Variants in CEP43 observed in about 807,000 individuals in gnomAD.
CEP43 encodes centrosomal protein 43.
In CEP43, 36 loss-of-function variants were observed where a neutral mutation model predicts 52.6. That is an observed-to-expected ratio of 0.68 (90% CI 0.52 to 0.90). The LOEUF (loss-of-function observed/expected upper bound fraction) is 0.90. Ranked by LOEUF, CEP43 falls within the 40% of genes least tolerant of loss-of-function variation. The pLI, the probability that CEP43 is intolerant of heterozygous loss-of-function variation, is 0.00. For missense variants in CEP43, 506 were observed against 472.8 expected, an observed-to-expected ratio of 1.07 and a Z score of -0.65; for synonymous variants, 192 against 172.4, an observed-to-expected ratio of 1.11 and a Z score of -0.89.
In CEP43 at chr6:167,004,401, A is replaced by C. The variant is rs779604786; in HGVS notation, c.438A>C (p.Glu146Asp). The C allele has an allele frequency of 3.2e-6, 5 of 1,586,068 alleles. No homozygotes were observed. Among genetic ancestry groups the C allele is most frequent in the Non-Finnish European group, 4.3e-6 (5 of 1,169,206 alleles). Residue 146 changes from glutamate (E) to aspartate (D), a missense_variant and splice_region_variant, in exon 5 of 13, where the codon GAA becomes GAC. Physicochemically the swap from Glu to Asp is conservative, Grantham distance 45. Transcript: ENST00000366847. ...AAGAAAAAGGGCCAACCACTGGGGA[A>C]GTAAGTAGAATTCTGTGTTATCTTT... ...QQKEKGPTTG[E>D]GALDLSDVHS... is the part of the protein sequence containing the mutation.
chr6:167,003,855 A>C (rs770254531), intron 4 of CEP43, 44 bp downstream of exon 4: 2 of 1,169,348 alleles, frequency 1.7e-6, no homozygotes, highest in Non-Finnish European at 2.5e-6. Flanking sequence ...AACCTTTGAT[A>C]CAAATGAGTT....
intron 2 of CEP43, among the ~76,000 whole-genome samples, chr6:167,002,033 T>G (rs941670921): frequency 6.6e-6 from 1 of 152,206 alleles, no homozygotes; most frequent in African/African-American, 2.4e-5. Flanking sequence ...AACAACTTTA[T>G]TGAGGTAAAA....
intron 8 of CEP43, 103 bp from the exon 9 acceptor site, chr6:167,024,679 C>T (rs1583284568): frequency 2.6e-6 from 2 of 783,964 alleles, no homozygotes; most frequent in East Asian, 2.5e-5. Context: ...CCAGCCACCA[C>T]ACGTATAAAA....
At chr6:167,024,093 A>G (rs979086269) in intron 8 of CEP43, among the ~76,000 whole-genome samples, 1 of 152,198 alleles carries the variant, frequency 6.6e-6, no homozygotes, top group African/African-American at 2.4e-5. Flanking sequence ...AGGGCTGCGC[A>G]GCAGTGGAAT....
At position 167,047,284 on chromosome 6, in the gene CEP43, C is replaced by G. The variant is rs561747937; in HGVS notation, c.*7306C>G. The G allele has an allele frequency of 6.6e-6, 1 of 152,136 alleles. No individual in the cohort carries two copies. The highest frequency in any genetic ancestry group is 1.5e-5 in the Non-Finnish European group (1 of 68,080). 9.4% of individuals were successfully genotyped at this position (152,136 alleles called of 1,614,324 possible). Reference sequence around the variant, plus strand: ...TCCCCTACTGACAGGGAGGTGCTGTCGGGGCAGCAGGCACGTGCAGGAAAA... The same window carrying G: ...TCCCCTACTGACAGGGAGGTGCTGTGGGGGCAGCAGGCACGTGCAGGAAAA... On this transcript the variant is annotated 3_prime_UTR_variant, in exon 13 of 13. Coordinates refer to ENST00000366847, the MANE Select transcript of CEP43 (RefSeq NM_007045.4).
chr6:167,022,298 A>AT, intron 7 of CEP43, 111 bp from the exon 8 acceptor site: 1 of 675,384 alleles, frequency 1.5e-6, no homozygotes. Context: ...ACACACACAA[A>AT]GGTTGCACAC....
At chr6:167,019,277 C>CGCGT (rs1562528037) in intron 7 of CEP43, among the ~76,000 whole-genome samples, 11 of 150,574 alleles carry the variant, frequency 7.3e-5, no homozygotes, top group East Asian at 5.8e-4. Context: ...GCTGTGCACA[C>CGCGT]ACATACACCT....
At chr6:167,023,626 A>C (rs1780288543) in intron 8 of CEP43, among the ~76,000 whole-genome samples, 1 of 152,196 alleles carries the variant, frequency 6.6e-6, no homozygotes, top group Non-Finnish European at 1.5e-5. Flanking sequence ...ATCAGTTTGT[A>C]GATAATGTGG....
intron 7 of CEP43, among the ~76,000 whole-genome samples, chr6:167,014,136 TTGAA>T (rs1780043065): frequency 6.6e-6 from 1 of 152,262 alleles, no homozygotes. Flanking sequence ...TATTTTTCTT[TTGAA>T]TGGATGATTA....
At chr6:167,039,420 C>T (rs943552470) in intron 12 of CEP43, among the ~76,000 whole-genome samples, 10 of 152,220 alleles carry the variant, frequency 6.6e-5, no homozygotes, top group African/African-American at 2.2e-4. Context: ...TGAGCCACTG[C>T]GCCTGGCCTA....
intron 9 of CEP43, among the ~76,000 whole-genome samples, chr6:167,025,660 C>T (rs1235243784): frequency 6.6e-6 from 1 of 152,184 alleles, no homozygotes; most frequent in Non-Finnish European, 1.5e-5. Flanking sequence ...TGTGGGACTT[C>T]CTAGGGCACA....
intron 10 of CEP43, chr6:167,027,797 A>C: frequency 1.2e-6 from 1 of 803,742 alleles, no homozygotes; most frequent in Non-Finnish European, 1.5e-6. Flanking sequence ...ATTAAAGTAC[A>C]GTGGCTGGCA....
At chr6:167,007,139 G>T (rs77731363) in intron 5 of CEP43, among the ~76,000 whole-genome samples, 3,231 of 152,184 alleles carry the variant, frequency 0.021, 122 homozygotes, top group African/African-American at 0.075. Flanking sequence ...CTTGCACCCC[G>T]TAGCTTTGGT....
chr6:167,027,869 G>C, intron 10 of CEP43: 1 of 985,584 alleles, frequency 1.0e-6, no homozygotes, highest in Non-Finnish European at 1.2e-6. Flanking sequence ...ATTTGCAGAA[G>C]AATAAATGTT....
intron 2 of CEP43, among the ~76,000 whole-genome samples, chr6:167,002,096 G>A (rs2128656772): frequency 6.6e-6 from 1 of 152,244 alleles, no homozygotes; most frequent in Non-Finnish European, 1.5e-5. Flanking sequence ...ATTTTTAATA[G>A]TTAATTTATG....
intron 10 of CEP43, among the ~76,000 whole-genome samples, chr6:167,026,965 G>C (rs1226028418): frequency 6.6e-6 from 1 of 152,224 alleles, no homozygotes; most frequent in East Asian, 1.9e-4. Flanking sequence ...ATTCAGGGAA[G>C]ACTTCTTATA....
rs755746985 is a variant in CEP43, at chr6:167,004,399, G to A, written c.436G>A (p.Glu146Lys). The A allele has an allele frequency of 3.8e-6, 6 of 1,584,424 alleles. No individual in the cohort carries two copies. Among genetic ancestry groups the A allele is most frequent in the South Asian group, 1.2e-5 (1 of 84,930 alleles). The change falls in exon 5 of 13, where the codon GAA becomes AAA. Residue 146 changes from glutamate (E) to lysine (K), a missense_variant and splice_region_variant. By Grantham distance (56) the Glu-to-Lys change is moderately conservative. Transcript: ENST00000366847. The part of the protein sequence containing the change: ...QQKEKGPTTG[E>K]GALDLSDVHS... ...GAAAGAAAAAGGGCCAACCACTGGG[G>A]AAGTAAGTAGAATTCTGTGTTATCT...
intron 5 of CEP43, among the ~76,000 whole-genome samples, chr6:167,007,082 A>G (rs73259230): frequency 0.015 from 2,256 of 152,162 alleles, 53 homozygotes; most frequent in African/African-American, 0.05. Flanking sequence ...ACCTCTTCAC[A>G]TGTGCTCTGG....
chr6:167,000,212 T>C, intron 2 of CEP43, 99 bp downstream of exon 2: 1 of 905,762 alleles, frequency 1.1e-6, no homozygotes. Context: ...AACATATAGC[T>C]AGGGATAATT....
Sources: gnomAD v4.1 joint callset for allele counts (sites outside exome capture counted in the v4.1 genomes callset) on GRCh38, gnomAD v4.1.1 for gene constraint, MANE v1.5 for transcripts, NCBI Gene and HGNC (gene_info 2026-07-23, HGNC 2026-07-21) for gene names.